The following PLCH1 variants were observed in gnomAD, a reference collection of about 807,000 sequenced individuals.
PLCH1 encodes the protein phospholipase C eta 1.
A neutral mutation model predicts 126.7 loss-of-function variants in PLCH1; 60 were observed. The observed-to-expected ratio is 0.47, with a 90% CI of 0.38 to 0.59. The LOEUF is 0.59. Among genes scored for constraint, PLCH1 ranks in the 20% least tolerant of loss-of-function variants. The pLI, the probability that PLCH1 is intolerant of heterozygous loss-of-function variation, is 0.00. For synonymous variants in PLCH1, 719 were observed against 734.9 expected (o/e 0.98, Z 0.35); for missense variants, 1,723 against 2,040.0 (o/e 0.84, Z 2.99).
chr3:155,680,678 G>A (rs1015979811), intron 2 of PLCH1, among the ~76,000 whole-genome samples: 35 of 152,152 alleles, frequency 2.3e-4, no homozygotes, highest in African/African-American at 8.2e-4. Flanking sequence ...TGTAAAAATG[G>A]TTATGCTTAT....
intron 2 of PLCH1, among the ~76,000 whole-genome samples, chr3:155,619,260 T>C (rs1350158073): frequency 6.6e-6 from 1 of 150,558 alleles, no homozygotes; most frequent in African/African-American, 2.5e-5. Context: ...TTATACTCTA[T>C]AGTGTACAGT....
chr3:155,496,439 A>T (rs1717046261), intron 15 of PLCH1, among the ~76,000 whole-genome samples: 1 of 152,064 alleles, frequency 6.6e-6, no homozygotes, highest in African/African-American at 2.4e-5. Flanking sequence ...TATAATTGTT[A>T]CCATTTGAAG....
At chr3:155,545,592 G>A (rs547123771) in intron 10 of PLCH1, among the ~76,000 whole-genome samples, 2 of 152,152 alleles carry the variant, frequency 1.3e-5, no homozygotes, top group African/African-American at 2.4e-5. Flanking sequence ...CCAAAAAAGA[G>A]AATTTTAGAC....
intron 14 of PLCH1, among the ~76,000 whole-genome samples, chr3:155,499,491 A>G (rs1419751922): frequency 6.6e-6 from 1 of 152,224 alleles, no homozygotes; most frequent in Non-Finnish European, 1.5e-5. Flanking sequence ...TTCTACAGAA[A>G]ATTAACTCTT....
Position 155,480,340 on chromosome 3 carries a change from C to G in PLCH1, c.*628G>C, listed in dbSNP as rs1188059705. The G allele has an allele frequency of 6.6e-6, 1 of 152,580 alleles. No homozygotes were observed. The highest frequency in any genetic ancestry group is 1.5e-5 in the Non-Finnish European group (1 of 68,036). The allele number at this position is 152,580 out of a possible 1,614,324, so 9.5% of individuals were successfully genotyped here. On this transcript the variant is annotated 3_prime_UTR_variant, in exon 23 of 23. Transcript: ENST00000460012. ...TTTTGTCCTTATGTACAAAAGACAG[C>G]CTTCTTCCTCACACCCTCACGGCCT...
At chr3:155,542,961 A>T (rs1724587068) in intron 10 of PLCH1, among the ~76,000 whole-genome samples, 2 of 152,192 alleles carry the variant, frequency 1.3e-5, no homozygotes, top group South Asian at 4.1e-4. Context: ...AAAAACTGGA[A>T]ACTCTAAAAA....
In PLCH1 at chr3:155,525,703, G is replaced by A. The variant is rs554124574; in HGVS notation, c.1363-1699C>T. Among the ~76,000 whole-genome samples, 4 of 152,214 alleles carry A rather than the reference G, an allele frequency of 2.6e-5. No homozygotes were observed. The East Asian group carries it at 7.7e-4, about 29-fold the overall frequency. ...GCTTGAGCACCTCCCCCAGGACCAGGCCACTCTTGACTTACCTAACAACAC... is the reference window on the plus strand; with the variant it reads ...GCTTGAGCACCTCCCCCAGGACCAGACCACTCTTGACTTACCTAACAACAC... On this transcript the variant is annotated intron_variant, in intron 10 of 22. Coordinates refer to ENST00000460012, the MANE Select transcript of PLCH1 (RefSeq NM_014996.4).
Position 155,490,873 on chromosome 3 carries a change from TAAGTA to T in PLCH1, c.2308-10_2308-6del. The T allele has an allele frequency of 6.9e-7, 1 of 1,455,568 alleles. No individual in the cohort carries two copies. Among genetic ancestry groups the T allele is most frequent in the Non-Finnish European group, 9.6e-7 (1 of 1,036,914 alleles). 90.2% of individuals were successfully genotyped at this position (1,455,568 alleles called of 1,614,324 possible). ...TTCAACAAAAGGGTCAATGATCTAT[TAAGTA>T]AAGAGAAAGTACTATTACAAATAAC... On this transcript the variant is annotated splice_polypyrimidine_tract_variant and splice_region_variant and intron_variant, in intron 18 of 22. Coordinates refer to ENST00000460012, the MANE Select transcript of PLCH1 (RefSeq NM_014996.4).
intron 3 of PLCH1, among the ~76,000 whole-genome samples, chr3:155,594,655 GT>G (rs1214846125): frequency 2.0e-5 from 3 of 152,136 alleles, no homozygotes; most frequent in African/African-American, 7.2e-5. Flanking sequence ...CCCAGGCCCT[GT>G]TTTTTCCCAC....
chr3:155,666,778 A>G (rs566095496), intron 2 of PLCH1, among the ~76,000 whole-genome samples: 41 of 152,200 alleles, frequency 2.7e-4, no homozygotes, highest in Middle Eastern at 3.4e-3. Context: ...GGTTTTGGTT[A>G]TATACTAGCT....
intron 1 of PLCH1, among the ~76,000 whole-genome samples, chr3:155,709,650 T>C (rs1385122794): frequency 6.6e-6 from 1 of 152,198 alleles, no homozygotes; most frequent in Non-Finnish European, 1.5e-5. Flanking sequence ...AGGGTCTCAC[T>C]CTGTCACTCA....
chr3:155,728,791 C>T (rs1748534138), intron 1 of PLCH1, among the ~76,000 whole-genome samples: 1 of 151,950 alleles, frequency 6.6e-6, no homozygotes, highest in Non-Finnish European at 1.5e-5. Flanking sequence ...AGTGGGCACA[C>T]AATACTGATT....
At chr3:155,543,889 C>T (rs1043063433) in intron 10 of PLCH1, among the ~76,000 whole-genome samples, 9 of 151,940 alleles carry the variant, frequency 5.9e-5, no homozygotes, top group East Asian at 1.9e-4. Flanking sequence ...CTGAAGGAAG[C>T]GCTAAACATG....
At chr3:155,609,062 T>A (rs1734734551) in intron 2 of PLCH1, among the ~76,000 whole-genome samples, 1 of 152,116 alleles carries the variant, frequency 6.6e-6, no homozygotes, top group African/African-American at 2.4e-5. Flanking sequence ...CACATGACAA[T>A]TTCACTGCCA....
At chr3:155,694,908 A>C (rs1206728225) in intron 2 of PLCH1, among the ~76,000 whole-genome samples, 2 of 147,790 alleles carry the variant, frequency 1.4e-5, no homozygotes, top group South Asian at 2.2e-4. Flanking sequence ...CATGTACCCC[A>C]ACCCCAGGCC....
intron 1 of PLCH1, among the ~76,000 whole-genome samples, chr3:155,733,625 A>C (rs1219746942): frequency 6.6e-6 from 1 of 152,166 alleles, no homozygotes; most frequent in African/African-American, 2.4e-5. Flanking sequence ...CTAGAAGTAA[A>C]CAGGAGAAAA....
chr3:155,467,836 T>C (rs1486702593), intron 21 of PLCH1, among the ~76,000 whole-genome samples: 1 of 152,200 alleles, frequency 6.6e-6, no homozygotes. Flanking sequence ...AGACTTGTCC[T>C]ATAAGAAATG....
At chr3:155,605,545 C>A (rs1560235406) in intron 2 of PLCH1, among the ~76,000 whole-genome samples, 1 of 152,102 alleles carries the variant, frequency 6.6e-6, no homozygotes, top group Non-Finnish European at 1.5e-5. Flanking sequence ...AAGAAGGATG[C>A]ATTATAATGT....
At chr3:155,664,988 C>T (rs1385412219) in intron 2 of PLCH1, among the ~76,000 whole-genome samples, 1 of 152,118 alleles carries the variant, frequency 6.6e-6, no homozygotes, top group Non-Finnish European at 1.5e-5. Flanking sequence ...CTGCATTTTC[C>T]AGACTCCTTT....
Sources: gnomAD v4.1 joint callset for allele counts (sites outside exome capture counted in the v4.1 genomes callset) on GRCh38, gnomAD v4.1.1 for gene constraint, MANE v1.5 for transcripts, NCBI Gene and HGNC (gene_info 2026-07-23, HGNC 2026-07-21) for gene names.